The following HDX variants were observed in gnomAD, a reference collection of about 807,000 sequenced individuals.
HDX encodes highly divergent homeobox, also known as chromosome X open reading frame 43.
HDX carries 19 observed loss-of-function variants against 45.2 expected under a neutral mutation model. That is an observed-to-expected ratio of 0.42 (90% CI 0.29 to 0.62). The LOEUF (loss-of-function observed/expected upper bound fraction) is 0.62. Ranked by LOEUF, HDX falls within the 20% of genes least tolerant of loss-of-function variation. The probability of loss-of-function intolerance (pLI) is 0.20; values close to 1 mark genes in which losing one functional copy is unlikely to be tolerated. For missense variants in HDX, 532 were observed against 493.9 expected (o/e 1.08, Z -0.73); for synonymous variants, 188 against 172.8 (o/e 1.09, Z -0.69).
chrX:84,395,096 C>T (rs1172708439), intron 5 of HDX, among the ~76,000 whole-genome samples: 1 of 110,496 alleles, frequency 9.1e-6, no homozygotes, highest in Non-Finnish European at 1.9e-5. Context: ...ATCGTTGTGG[C>T]TTGGTGGTTT....
chrX:84,324,896 T>C (rs753264219), intron 10 of HDX, among the ~76,000 whole-genome samples: 74 of 111,140 alleles, frequency 6.7e-4, no homozygotes, highest in South Asian at 2.3e-3. Context: ...CTTGGGACCA[T>C]GTTCAAAACT....
chrX:84,441,326 C>G (rs1007813811), intron 4 of HDX, among the ~76,000 whole-genome samples: 25 of 111,253 alleles, frequency 2.2e-4, no homozygotes, highest in Non-Finnish European at 4.0e-4. Flanking sequence ...AACACATTAC[C>G]TCTATTTACT....
intron 5 of HDX, among the ~76,000 whole-genome samples, chrX:84,406,501 T>TAC (rs200949656): frequency 3.7e-4 from 25 of 67,943 alleles, no homozygotes; most frequent in African/African-American, 5.9e-4. Flanking sequence ...CACACACACA[T>TAC]ACACACACAC....
At chrX:84,349,434 T>G (rs960030636) in intron 6 of HDX, among the ~76,000 whole-genome samples, 1 of 96,525 alleles carries the variant, frequency 1.0e-5, no homozygotes, top group African/African-American at 3.8e-5. Context: ...TGTGTGTGTG[T>G]GTGTGTGTGT....
Position 84,348,203 on chromosome X carries a change from A to T in HDX, c.1453-3746T>A, listed in dbSNP as rs188786659. ...TCTCCAGTTTTGGAAGTTTCTATTG[A>T]TATATCATCAAGTTCAGAAATTATT... is the stretch of plus-strand genomic sequence containing the variant. On this transcript the variant is annotated intron_variant, in intron 6 of 10. Coordinates refer to ENST00000373177, the MANE Select transcript of HDX (RefSeq NM_001177479.2). Among the ~76,000 whole-genome samples the T allele has an allele frequency of 8.1e-5, 9 of 111,324 alleles. No homozygotes were observed. The East Asian group carries it at 2.6e-3, about 32-fold the overall frequency.
intron 5 of HDX, among the ~76,000 whole-genome samples, chrX:84,392,276 C>T (rs770964079): frequency 1.8e-4 from 20 of 111,303 alleles, no homozygotes; most frequent in South Asian, 3.8e-4. Flanking sequence ...TTGTCCTATG[C>T]GCCTGTTTCT....
intron 5 of HDX, among the ~76,000 whole-genome samples, chrX:84,437,155 G>T (rs2039655208): frequency 9.0e-6 from 1 of 111,508 alleles, no homozygotes; most frequent in Non-Finnish European, 1.9e-5. Flanking sequence ...GCAAGTATGA[G>T]TAACTGTATC....
At chrX:84,486,691 T>C (rs2040799252) in intron 2 of HDX, among the ~76,000 whole-genome samples, 1 of 110,847 alleles carries the variant, frequency 9.0e-6, no homozygotes, top group African/African-American at 3.3e-5. Flanking sequence ...CCATGGTTTC[T>C]CTTAAGAAAA....
In HDX at chrX:84,325,769, T is replaced by C. The variant is rs764792566; in HGVS notation, c.1947+409A>G. Among the ~76,000 whole-genome samples the C allele has an allele frequency of 1.7e-4, 19 of 111,690 alleles. 1 individual carries two copies. In the South Asian group the frequency reaches 7.1e-3, roughly 42 times the overall value. Reference sequence around the variant, plus strand: ...ATGTCCAAACATCTGTGAACTGTAGTGGAGGTTGGCAGGAAATTAAGATCC... The same window carrying C: ...ATGTCCAAACATCTGTGAACTGTAGCGGAGGTTGGCAGGAAATTAAGATCC... On this transcript the variant is annotated intron_variant, in intron 10 of 10. Transcript: ENST00000373177.
At chrX:84,349,790 T>G (rs1283895462) in intron 6 of HDX, among the ~76,000 whole-genome samples, 1 of 108,323 alleles carries the variant, frequency 9.2e-6, no homozygotes, top group Non-Finnish European at 1.9e-5. Context: ...TACAGGCCAT[T>G]ATTCTAAGTG....
At chrX:84,467,256 A>G (rs144563951) in intron 4 of HDX, among the ~76,000 whole-genome samples, 1 of 111,373 alleles carries the variant, frequency 9.0e-6, no homozygotes, top group Non-Finnish European at 1.9e-5. Context: ...CTAAAAGAAG[A>G]TGGTTCCTTA....
intron 7 of HDX, 135 bp from the exon 8 acceptor site, chrX:84,337,015 C>A (rs1170705426): frequency 1.1e-5 from 5 of 443,449 alleles, no homozygotes; most frequent in Non-Finnish European, 1.1e-5. Flanking sequence ...GTTTGATGAG[C>A]AATTCTACTT....
chrX:84,392,039 T>C (rs1055633026), intron 5 of HDX, among the ~76,000 whole-genome samples: 2 of 111,784 alleles, frequency 1.8e-5, no homozygotes, highest in African/African-American at 6.5e-5. Flanking sequence ...GATTTTTCTC[T>C]AGGTTTCCTT....
chrX:84,396,819 C>A (rs2038577023), intron 5 of HDX, among the ~76,000 whole-genome samples: 1 of 110,742 alleles, frequency 9.0e-6, no homozygotes, highest in Non-Finnish European at 1.9e-5. Context: ...TCCCTAGACC[C>A]CTGGACTGCA....
intron 3 of HDX, among the ~76,000 whole-genome samples, chrX:84,473,345 T>A (rs1213267043): frequency 1.4e-5 from 1 of 72,108 alleles, no homozygotes; most frequent in African/African-American, 5.6e-5. Context: ...TAGCAAAGTA[T>A]CTGGGGAGGG....
In HDX at chrX:84,332,655, A is replaced by G. The variant is rs150442391; in HGVS notation, c.1824+1104T>C. On this transcript the variant is annotated intron_variant, in intron 9 of 10. Coordinates refer to ENST00000373177, the MANE Select transcript of HDX (RefSeq NM_001177479.2). ...CAACCTGTGCCAAGCTGTGGCATGC[A>G]GAGACATTGAAATCCTGAACTGGGC... is the stretch of plus-strand genomic sequence containing the variant. Among the ~76,000 whole-genome samples the G allele has an allele frequency of 2.2e-3, 243 of 111,401 alleles. 2 individuals are homozygous for G. Among genetic ancestry groups the G allele is most frequent in the African/African-American group, 7.5e-3 (230 of 30,718 alleles).
intron 4 of HDX, among the ~76,000 whole-genome samples, chrX:84,463,882 C>A (rs1049032647): frequency 3.6e-5 from 4 of 110,985 alleles, no homozygotes; most frequent in Non-Finnish European, 7.6e-5. Flanking sequence ...CACTTCAACC[C>A]TTAATATTAT....
intron 6 of HDX, among the ~76,000 whole-genome samples, chrX:84,358,977 A>G (rs1027533401): frequency 2.7e-5 from 3 of 110,769 alleles, no homozygotes; most frequent in East Asian, 5.7e-4. Context: ...TCTCTTCCCA[A>G]CTCTGTGTTG....
intron 5 of HDX, among the ~76,000 whole-genome samples, chrX:84,421,143 T>C (rs1323770736): frequency 8.9e-6 from 1 of 112,026 alleles, no homozygotes; most frequent in Non-Finnish European, 1.9e-5. Context: ...TATAACACTG[T>C]AACTGTCATG....
Sources: gnomAD v4.1 joint callset for allele counts (sites outside exome capture counted in the v4.1 genomes callset) on GRCh38, gnomAD v4.1.1 for gene constraint, MANE v1.5 for transcripts, NCBI Gene and HGNC (gene_info 2026-07-23, HGNC 2026-07-21) for gene names.